ZNF678: variants seen among roughly 807,000 people sequenced by gnomAD.
The protein encoded by ZNF678 is zinc finger protein 678, also known as hypothetical protein MGC42493.
In ZNF678, 5 loss-of-function variants were observed where a neutral mutation model predicts 3.0. The observed-to-expected ratio is 1.69, with a 90% CI of 0.88 to 3.56. The LOEUF (loss-of-function observed/expected upper bound fraction) is 3.56. Among genes scored for constraint, ZNF678 ranks in the 30% most tolerant of loss-of-function variants. The pLI, the probability that ZNF678 is intolerant of heterozygous loss-of-function variation, is 0.00. For synonymous variants in ZNF678, 218 were observed against 199.6 expected, an observed-to-expected ratio of 1.09 and a Z score of -0.78; for missense variants, 593 against 605.0, an observed-to-expected ratio of 0.98 and a Z score of 0.21.
chr1:227,644,778 A>G (rs1048498045), intron 1 of ZNF678, among the ~76,000 whole-genome samples: 6 of 145,444 alleles, frequency 4.1e-5, no homozygotes, highest in African/African-American at 1.2e-4. Context: ...TTAGGATCAC[A>G]TGGCCAGTTT....
rs766720831 is a variant in ZNF678 at position 227,650,945 on chromosome 1, G to A, written c.-36-11G>A. 8 of 1,535,870 alleles carry A rather than the reference G, an allele frequency of 5.2e-6. No homozygotes were observed. In the African/African-American group the frequency reaches 5.5e-5, roughly 11 times the overall value. On this transcript the variant is annotated splice_polypyrimidine_tract_variant and intron_variant, in intron 2 of 3. Transcript: ENST00000343776. ...TTTTAAAAAATTTTCTTGCCTAATT[G>A]TTCTGTCTAGGACTTCCAGGACTAT...
At chr1:227,669,908 C>A (rs978422126) in intron 5 of ZNF678, among the ~76,000 whole-genome samples, 1 of 152,168 alleles carries the variant, frequency 6.6e-6, no homozygotes, top group Non-Finnish European at 1.5e-5. Context: ...CTCATATACT[C>A]ATCACTGCAG....
At chr1:227,604,422 G>C (rs2102753140) in intron 1 of ZNF678, among the ~76,000 whole-genome samples, 1 of 152,288 alleles carries the variant, frequency 6.6e-6, no homozygotes, top group African/African-American at 2.4e-5. Flanking sequence ...GCTTCACTTG[G>C]GGACCCAGGC....
At chr1:227,671,307 C>G (rs1240278296) in intron 5 of ZNF678, among the ~76,000 whole-genome samples, 1 of 151,058 alleles carries the variant, frequency 6.6e-6, no homozygotes, top group Admixed American at 6.6e-5. Context: ...ATCAATTTTT[C>G]TAATGTTCTG....
At chr1:227,630,986 C>T (rs969134136) in intron 1 of ZNF678, among the ~76,000 whole-genome samples, 2 of 102,136 alleles carry the variant, frequency 2.0e-5, no homozygotes, top group African/African-American at 5.4e-5. Context: ...ATACTTCCCT[C>T]AGGAGGCCAG....
chr1:227,573,249 T>G (rs1656900618), intron 1 of ZNF678, among the ~76,000 whole-genome samples: 1 of 152,250 alleles, frequency 6.6e-6, no homozygotes, highest in African/African-American at 2.4e-5. Context: ...TGCCACCTTT[T>G]AATAATTTTT....
chr1:227,609,175 A>G (rs1657952780), intron 1 of ZNF678, among the ~76,000 whole-genome samples: 1 of 152,224 alleles, frequency 6.6e-6, no homozygotes, highest in African/African-American at 2.4e-5. Context: ...TAAACCAAAT[A>G]TAAACATTTG....
At position 227,654,462 on chromosome 1, in the gene ZNF678, G is replaced by A. The variant is rs1467842424; in HGVS notation, c.212G>A (p.Arg71Lys). 2 of 1,613,102 alleles carry A rather than the reference G, an allele frequency of 1.2e-6. No homozygotes were observed. Among genetic ancestry groups the A allele is most frequent in the African/African-American group, 1.3e-5 (1 of 74,876 alleles). The change falls in exon 4 of 4, where the codon AGA (arginine) becomes AAA (lysine). Residue 71 changes from arginine (R) to lysine (K), a missense_variant. Arg to Lys is a conservative substitution (Grantham distance 26). Coordinates refer to ENST00000343776, the MANE Select transcript of ZNF678 (RefSeq NM_001367909.1). The stretch of plus-strand genomic sequence containing the variant: ...AATTTGCACTTAGTGAAAGACTGGA[G>A]AACTGTGAATGAAGGTAAGGGGCAG... ...LDNLHLVKDW[R>K]TVNEGKGQKE...
intron 1 of ZNF678, among the ~76,000 whole-genome samples, chr1:227,624,343 TA>T (rs1658354440): frequency 6.6e-6 from 1 of 152,140 alleles, no homozygotes; most frequent in Non-Finnish European, 1.5e-5. Flanking sequence ...ACTATCTACA[TA>T]AAAAAGCACC....
downstream of ZNF678, among the ~76,000 whole-genome samples, chr1:227,666,059 G>A (rs1659500199): frequency 6.6e-6 from 1 of 152,182 alleles, no homozygotes; most frequent in Admixed American, 6.5e-5. Context: ...GGTAAAGAAA[G>A]GTTGCCACAG....
downstream of ZNF678, among the ~76,000 whole-genome samples, chr1:227,663,159 A>G (rs979752383): frequency 2.0e-5 from 3 of 152,204 alleles, no homozygotes; most frequent in Non-Finnish European, 2.9e-5. Context: ...CCATAGCTTG[A>G]TGTCAGGTTC....
intron 1 of ZNF678, among the ~76,000 whole-genome samples, chr1:227,612,698 C>T (rs1250487156): frequency 6.6e-6 from 1 of 152,146 alleles, no homozygotes; most frequent in East Asian, 1.9e-4. Flanking sequence ...GTTGCTTAAG[C>T]CATCCAGAAC....
downstream of ZNF678, among the ~76,000 whole-genome samples, chr1:227,664,014 C>G (rs1238442108): frequency 6.6e-6 from 1 of 152,180 alleles, no homozygotes; most frequent in Non-Finnish European, 1.5e-5. Context: ...GCATGGAGCT[C>G]TGCAAAGAGA....
chr1:227,651,384 T>C (rs1362216606), intron 3 of ZNF678, among the ~76,000 whole-genome samples: 3 of 152,192 alleles, frequency 2.0e-5, no homozygotes, highest in African/African-American at 7.2e-5. Context: ...TTGGCAAGAC[T>C]GTCCACAGAA....
chr1:227,642,921 C>T (rs1422722771), intron 1 of ZNF678, among the ~76,000 whole-genome samples: 1 of 151,312 alleles, frequency 6.6e-6, no homozygotes, highest in Non-Finnish European at 1.5e-5. Flanking sequence ...AGACCAATTG[C>T]CTCCATTTGA....
At chr1:227,612,967 T>C (rs1658056519) in intron 1 of ZNF678, among the ~76,000 whole-genome samples, 1 of 152,174 alleles carries the variant, frequency 6.6e-6, no homozygotes, top group South Asian at 2.1e-4. Context: ...TGTTACTCAG[T>C]CTGAGCAGGG....
intron 3 of ZNF678, among the ~76,000 whole-genome samples, chr1:227,652,770 G>A (rs1659120909): frequency 1.3e-5 from 2 of 152,026 alleles, no homozygotes; most frequent in South Asian, 2.1e-4. Context: ...ATTTCAAATT[G>A]TAGAGCATAA....
chr1:227,620,263 C>T (rs1658247334), intron 1 of ZNF678, among the ~76,000 whole-genome samples: 1 of 152,158 alleles, frequency 6.6e-6, no homozygotes, highest in Non-Finnish European at 1.5e-5. Flanking sequence ...AGGCTGGTTA[C>T]CCAAGTTGCT....
downstream of ZNF678, among the ~76,000 whole-genome samples, chr1:227,663,252 G>C (rs1659444273): frequency 6.6e-6 from 1 of 152,214 alleles, no homozygotes; most frequent in East Asian, 1.9e-4. Flanking sequence ...GTAGCAAACT[G>C]TTATAGTTTG....
Sources: allele counts gnomAD v4.1 joint callset (sites outside exome capture counted in the v4.1 genomes callset), GRCh38; gene constraint gnomAD v4.1.1; transcripts MANE v1.5; gene names NCBI Gene and HGNC (gene_info 2026-07-23, HGNC 2026-07-21).